The following UNC13C variants were observed in gnomAD, a reference collection of about 807,000 sequenced individuals.
UNC13C encodes the protein protein unc-13 homolog C.
In UNC13C, 174 loss-of-function variants were observed where a neutral mutation model predicts 245.4. The ratio of observed to expected loss-of-function variants is 0.71; its 90% confidence interval spans 0.63 to 0.80. The LOEUF is 0.80. Ranked by LOEUF, UNC13C falls within the 30% of genes least tolerant of loss-of-function variation. The pLI is 0.00. For synonymous variants in UNC13C, 992 were observed against 895.1 expected (o/e 1.11, Z -1.93); for missense variants, 2,829 against 2,602.9 (o/e 1.09, Z -1.89).
intron 30 of UNC13C, among the ~76,000 whole-genome samples, chr15:54,604,212 A>C (rs1283832581): frequency 6.6e-6 from 1 of 152,138 alleles, no homozygotes; most frequent in Non-Finnish European, 1.5e-5. Context: ...ATGTGGTCTG[A>C]TGACACTGTC....
At chr15:53,870,709 A>T in the UNC13C span, among the ~76,000 whole-genome samples, 1 of 152,154 alleles carries the variant, frequency 6.6e-6, no homozygotes, top group South Asian at 2.1e-4. Context: ...GCCCATCTTC[A>T]CAAGCCCTCT....
At chr15:54,474,933 T>A (rs979042237) in intron 19 of UNC13C, among the ~76,000 whole-genome samples, 33 of 151,998 alleles carry the variant, frequency 2.2e-4, no homozygotes, top group African/African-American at 8.0e-4. Flanking sequence ...ACAATTAGAT[T>A]TTATGGGAAC....
chr15:53,926,370 G>A, the UNC13C span, among the ~76,000 whole-genome samples: 3 of 152,140 alleles, frequency 2.0e-5, no homozygotes, highest in Non-Finnish European at 4.4e-5. Flanking sequence ...TCTCTCACAT[G>A]TGAGAATAAT....
At chr15:54,188,332 G>A (rs2034066349) in intron 4 of UNC13C, among the ~76,000 whole-genome samples, 1 of 152,104 alleles carries the variant, frequency 6.6e-6, no homozygotes, top group Admixed American at 6.5e-5. Context: ...TTCTAGTTGT[G>A]ATTATAAAGA....
At chr15:54,417,011 C>T in intron 19 of UNC13C, 1 of 456,296 alleles carries the variant, frequency 2.2e-6, no homozygotes, top group South Asian at 1.6e-5. Context: ...GAGAAGATTT[C>T]CCTCACCGCA....
intron 19 of UNC13C, among the ~76,000 whole-genome samples, chr15:54,430,992 A>G (rs768926054): frequency 3.3e-5 from 5 of 151,922 alleles, no homozygotes; most frequent in Non-Finnish European, 4.4e-5. Flanking sequence ...TGGGCAGAAG[A>G]TGGTACACCC....
At chr15:54,039,870 C>G (rs959090711) in intron 2 of UNC13C, among the ~76,000 whole-genome samples, 43 of 151,570 alleles carry the variant, frequency 2.8e-4, no homozygotes, top group African/African-American at 1.0e-3. Flanking sequence ...TTCATCATCT[C>G]TGCACTGGAT....
intron 4 of UNC13C, among the ~76,000 whole-genome samples, chr15:54,226,702 G>A (rs150217575): frequency 6.6e-6 from 1 of 152,182 alleles, no homozygotes; most frequent in African/African-American, 2.4e-5. Flanking sequence ...GAGGCTGGCC[G>A]CTGAGGCAGG....
At chr15:54,189,492 A>C (rs890848260) in intron 4 of UNC13C, among the ~76,000 whole-genome samples, 1 of 152,178 alleles carries the variant, frequency 6.6e-6, no homozygotes. Context: ...AACTACTTCA[A>C]TAGAAGTTCT....
At chr15:54,177,918 T>A (rs1451398140) in intron 4 of UNC13C, among the ~76,000 whole-genome samples, 1 of 152,096 alleles carries the variant, frequency 6.6e-6, no homozygotes, top group African/African-American at 2.4e-5. Flanking sequence ...CATTTTTTTC[T>A]CTCTCTTTCT....
At chr15:54,233,685 G>A (rs1043581483) in intron 4 of UNC13C, among the ~76,000 whole-genome samples, 7 of 152,196 alleles carry the variant, frequency 4.6e-5, no homozygotes, top group Non-Finnish European at 8.8e-5. Context: ...AATCCATTAA[G>A]ACTAAGTTTC....
At chr15:54,570,793 C>T (rs535445764) in intron 30 of UNC13C, among the ~76,000 whole-genome samples, 1 of 152,288 alleles carries the variant, frequency 6.6e-6, no homozygotes, top group South Asian at 2.1e-4. Context: ...ATTTCTGTAA[C>T]AAATCCTAAA....
chr15:54,047,076 A>G (rs1249803801), intron 2 of UNC13C, among the ~76,000 whole-genome samples: 12 of 152,056 alleles, frequency 7.9e-5, no homozygotes, highest in Admixed American at 7.9e-4. Context: ...TTTATTTTTT[A>G]AAAAGTTACG....
At chr15:54,322,834 T>C (rs1309318153) in intron 14 of UNC13C, among the ~76,000 whole-genome samples, 1 of 151,954 alleles carries the variant, frequency 6.6e-6, no homozygotes, top group Non-Finnish European at 1.5e-5. Flanking sequence ...AGAGGATAGA[T>C]ACCAAAGGTT....
chr15:54,208,130 G>A (rs1462675704), intron 4 of UNC13C, among the ~76,000 whole-genome samples: 4 of 152,034 alleles, frequency 2.6e-5, no homozygotes, highest in Non-Finnish European at 1.5e-5. Flanking sequence ...ATGACACATG[G>A]TGAGAGCAGG....
chr15:53,956,181 G>C, the UNC13C span, among the ~76,000 whole-genome samples: 7 of 152,126 alleles, frequency 4.6e-5, no homozygotes, highest in Admixed American at 3.3e-4. Flanking sequence ...TTCCAAAAGG[G>C]AGGAGGAGAG....
chr15:54,388,077 A>T (rs1200455765), intron 17 of UNC13C, among the ~76,000 whole-genome samples: 1 of 151,952 alleles, frequency 6.6e-6, no homozygotes, highest in African/African-American at 2.4e-5. Flanking sequence ...TCCATTCTTG[A>T]TTCCCATTCC....
At chr15:54,323,705 C>G (rs917211333) in intron 14 of UNC13C, among the ~76,000 whole-genome samples, 2 of 152,006 alleles carry the variant, frequency 1.3e-5, no homozygotes, top group African/African-American at 4.8e-5. Flanking sequence ...CCTGTTGTTA[C>G]CAAATACCAG....
the UNC13C span, among the ~76,000 whole-genome samples, chr15:53,880,845 C>T: frequency 1.1e-4 from 17 of 152,026 alleles, no homozygotes; most frequent in African/African-American, 4.1e-4. Context: ...TACAGAATAC[C>T]CAAGTGGGTT....
Sources: gnomAD v4.1 joint callset for allele counts (sites outside exome capture counted in the v4.1 genomes callset) on GRCh38, gnomAD v4.1.1 for gene constraint, MANE v1.5 for transcripts, NCBI Gene and HGNC (gene_info 2026-07-23, HGNC 2026-07-21) for gene names.